TP63: variants seen among roughly 807,000 people sequenced by gnomAD.
TP63 encodes the protein tumor protein p63, also known as tumor protein 63.
A neutral mutation model predicts 82.8 loss-of-function variants in TP63; 17 were observed. The ratio of observed to expected loss-of-function variants is 0.21; its 90% confidence interval spans 0.14 to 0.31. The LOEUF is 0.31. TP63 is among the 10% of genes least tolerant of loss of function. The probability of loss-of-function intolerance (pLI) is 1.00; values close to 1 mark genes in which losing one functional copy is unlikely to be tolerated. For synonymous variants in TP63, 330 were observed against 321.7 expected, an observed-to-expected ratio of 1.03 and a Z score of -0.28; for missense variants, 648 against 895.3, an observed-to-expected ratio of 0.72 and a Z score of 3.52.
At chr3:189,607,604 C>G in the TP63 span, among the ~76,000 whole-genome samples, 5 of 151,490 alleles carry the variant, frequency 3.3e-5, no homozygotes, top group African/African-American at 1.2e-4. Flanking sequence ...GTAATTATGA[C>G]TATAGTGAGT....
intron 4 of TP63, among the ~76,000 whole-genome samples, chr3:189,825,945 T>A (rs1025978569): frequency 6.6e-5 from 10 of 152,038 alleles, no homozygotes; most frequent in Admixed American, 2.6e-4. Flanking sequence ...CCCCTCCTTC[T>A]CTCTCTCCCC....
rs77504882 is a variant in TP63 at position 189,728,931 on chromosome 3, A to C, written c.63-8809A>C. Among the ~76,000 whole-genome samples, 606 of 152,286 alleles carry C rather than the reference A, an allele frequency of 4.0e-3. 5 individuals carry two copies. Among genetic ancestry groups the C allele is most frequent in the African/African-American group, 0.014 (585 of 41,562 alleles). ...TTGTGTGGGGATACAGAGCCAAACCATATCAGCTAGCTAAACAATTTGTAA... is the reference window on the plus strand; with the variant it reads ...TTGTGTGGGGATACAGAGCCAAACCCTATCAGCTAGCTAAACAATTTGTAA... On this transcript the variant is annotated intron_variant, in intron 1 of 13. Transcript: ENST00000264731.
chr3:189,882,796 C>T (rs1446312620), intron 10 of TP63, among the ~76,000 whole-genome samples: 1 of 152,168 alleles, frequency 6.6e-6, no homozygotes, highest in African/African-American at 2.4e-5. Flanking sequence ...AAAACCACTT[C>T]TCGCTTTTCA....
intron 3 of TP63, among the ~76,000 whole-genome samples, chr3:189,747,521 T>A (rs7634242): frequency 0.031 from 4,647 of 152,096 alleles, 187 homozygotes; most frequent in East Asian, 0.15. Context: ...AATTAAAAAA[T>A]TTCTTGAAAC....
chr3:189,603,260 T>C, the TP63 span, among the ~76,000 whole-genome samples: 1 of 152,126 alleles, frequency 6.6e-6, no homozygotes. Flanking sequence ...TGTATCCTAG[T>C]CCCAACTCCT....
In TP63 at chr3:189,787,507, GTCCAGAATCTTT is replaced by G. The variant is rs6148242; in HGVS notation, c.325-20764_325-20753del. Among the ~76,000 whole-genome samples the G allele has an allele frequency of 0.21, 31,476 of 151,962 alleles. 4,030 individuals are homozygous for G. The highest frequency in any genetic ancestry group is 0.3 in the Admixed American group (4,543 of 15,248). ...TAGTGGATATATTGTCTTAGATTTTGTCCAGAATCTTTGTAGATATGTTAGACAGAGACCGTA... is the reference window on the plus strand; with the variant it reads ...TAGTGGATATATTGTCTTAGATTTTGGTAGATATGTTAGACAGAGACCGTA... On this transcript the variant is annotated intron_variant, in intron 3 of 13. Coordinates refer to ENST00000264731, the MANE Select transcript of TP63 (RefSeq NM_003722.5).
chr3:189,867,014 C>T (rs1414655302), intron 6 of TP63, among the ~76,000 whole-genome samples: 1 of 152,154 alleles, frequency 6.6e-6, no homozygotes, highest in African/African-American at 2.4e-5. Flanking sequence ...GGTAACATGG[C>T]TCTGTGTCCA....
At position 189,890,800 on chromosome 3, in the gene TP63, G is replaced by A. The variant is rs1720939209; in HGVS notation, c.1664G>A (p.Arg555Lys). The change falls in exon 13 of 14, where the codon AGG becomes AAG. Residue 555 changes from arginine to lysine, a missense_variant. Arg to Lys is a conservative substitution (Grantham distance 26). Around this residue, in one of 5 missense-constraint regions of TP63, gnomAD observed 342 missense variants for 425.7 expected, o/e 0.80. Coordinates refer to ENST00000264731, the MANE Select transcript of TP63 (RefSeq NM_003722.5). The stretch of plus-strand genomic sequence containing the variant: ...TCCTCCCTCTGCAGTTTCTTAGCGA[G>A]GTTGGGCTGTTCATCATGTCTGGAC... ...TDCSIVSFLARLGCSSCLDYF... is the reference protein window; with the variant it reads ...TDCSIVSFLAKLGCSSCLDYF... 1.2e-6 allele frequency: 2 copies of A among 1,613,932 alleles called. No homozygotes were observed. The highest frequency in any genetic ancestry group is 1.1e-5 in the South Asian group (1 of 91,084).
chr3:189,625,781 G>A, the TP63 span, among the ~76,000 whole-genome samples: 1 of 152,152 alleles, frequency 6.6e-6, no homozygotes, highest in African/African-American at 2.4e-5. Context: ...GAGCAAAGGA[G>A]GGGTGGGAGT....
chr3:189,886,483 A>C lies in TP63; in HGVS notation c.1439A>C (p.Gln480Pro). 1 of 1,614,150 alleles carries C rather than the reference A, an allele frequency of 6.2e-7. No homozygotes were observed. Among genetic ancestry groups the C allele is most frequent in the Non-Finnish European group, 8.5e-7 (1 of 1,180,008 alleles). ...ATGAACAAGCTGCCTTCTGTGAGCC[A>C]GCTTATCAACCCTCAGCAGCGCAAC... ...NSMNKLPSVS[Q>P]LINPQQRNAL... The change falls in exon 11 of 14, where the codon CAG (glutamine) becomes CCG (proline). Residue 480 changes from glutamine (Q) to proline (P), a missense_variant. By Grantham distance (76) the Gln-to-Pro change is moderately conservative. Transcript: ENST00000264731.
In TP63 at chr3:189,774,639, C is replaced by A. The variant is rs1723639749; in HGVS notation, c.325-33633C>A. Among the ~76,000 whole-genome samples the A allele has an allele frequency of 2.0e-5, 3 of 152,144 alleles. No homozygotes were observed. In the South Asian group the frequency reaches 6.2e-4, roughly 32 times the overall value. On this transcript the variant is annotated intron_variant, in intron 3 of 13. Transcript: ENST00000264731. ...ATAAACATTTCAACTCATTTGACAA[C>A]CCTTACAGTTACCTGTAAATGAGAT...
chr3:189,834,194 G>C (rs2108717962), intron 4 of TP63, among the ~76,000 whole-genome samples: 1 of 152,248 alleles, frequency 6.6e-6, no homozygotes, highest in Non-Finnish European at 1.5e-5. Flanking sequence ...TGTAGAAATT[G>C]GGGATGCTTT....
At chr3:189,598,877 G>A in the TP63 span, among the ~76,000 whole-genome samples, 1 of 152,232 alleles carries the variant, frequency 6.6e-6, no homozygotes, top group African/African-American at 2.4e-5. Context: ...AGAATCTAGA[G>A]GCCCCAGAGA....
chr3:189,736,308 T>C (rs1720591494), intron 1 of TP63, among the ~76,000 whole-genome samples: 1 of 151,982 alleles, frequency 6.6e-6, no homozygotes, highest in African/African-American at 2.4e-5. Context: ...CAGCATTCTC[T>C]GCCCCAAATT....
chr3:189,880,101 C>G, intron 10 of TP63: 1 of 1,613,844 alleles, frequency 6.2e-7, no homozygotes, highest in Non-Finnish European at 8.5e-7. Flanking sequence ...GCTTGTGGAG[C>G]CCCGGAGAGA....
intron 1 of TP63, among the ~76,000 whole-genome samples, chr3:189,674,389 A>G (rs1032556359): frequency 7.9e-5 from 12 of 152,088 alleles, no homozygotes; most frequent in East Asian, 1.9e-4. Flanking sequence ...AAACCCAGAC[A>G]GGAACTTTGG....
intron 3 of TP63, among the ~76,000 whole-genome samples, chr3:189,790,118 T>G (rs1380490864): frequency 2.0e-5 from 3 of 152,164 alleles, no homozygotes; most frequent in African/African-American, 7.2e-5. Context: ...ATAAAATCAC[T>G]TTTTAGAAAA....
At chr3:189,854,310 G>A (rs1353849493) in intron 4 of TP63, among the ~76,000 whole-genome samples, 10 of 152,028 alleles carry the variant, frequency 6.6e-5, no homozygotes, top group Admixed American at 3.3e-4. Context: ...AGCTCACGGC[G>A]ACCCCCGCCT....
chr3:189,605,157 C>A, the TP63 span, among the ~76,000 whole-genome samples: 2 of 152,146 alleles, frequency 1.3e-5, no homozygotes, highest in African/African-American at 2.4e-5. Flanking sequence ...TAATTTCCTA[C>A]AAATACAATA....
Sources: gnomAD v4.1 joint callset for allele counts (sites outside exome capture counted in the v4.1 genomes callset) on GRCh38, gnomAD v4.1.1 for gene constraint, gnomAD v4.1.1 regional missense constraint, MANE v1.5 for transcripts, NCBI Gene and HGNC (gene_info 2026-07-23, HGNC 2026-07-21) for gene names.